JMJD1C: variants seen among roughly 807,000 people sequenced by gnomAD.
The protein encoded by JMJD1C is jumonji domain containing 1C, also known as jumonji domain-containing protein 1C.
In JMJD1C, 31 loss-of-function variants were observed where a neutral mutation model predicts 245.3. That is an observed-to-expected ratio of 0.13 (90% CI 0.09 to 0.17). The LOEUF (loss-of-function observed/expected upper bound fraction) is 0.17, where lower values mean the gene tolerates loss of function less well. JMJD1C is among the 10% of genes least tolerant of loss of function. The pLI is 1.00. For synonymous variants in JMJD1C, 1,057 were observed against 1,017.4 expected, an observed-to-expected ratio of 1.04 and a Z score of -0.74; for missense variants, 2,691 against 3,000.2, an observed-to-expected ratio of 0.90 and a Z score of 2.41.
At chr10:63,168,373 A>C (rs1015340708) in intron 25 of JMJD1C, 62 bp downstream of exon 25, 7 of 1,511,184 alleles carry the variant, frequency 4.6e-6, no homozygotes, top group Non-Finnish European at 6.2e-6. Context: ...GCTGTTATAC[A>C]TGTATCATAT....
At chr10:63,196,200 G>A (rs1007778877) in intron 13 of JMJD1C, among the ~76,000 whole-genome samples, 6 of 151,358 alleles carry the variant, frequency 4.0e-5, no homozygotes, top group African/African-American at 9.7e-5. Flanking sequence ...CCAAGATTGC[G>A]CCACTGCACT....
intron 2 of JMJD1C, among the ~76,000 whole-genome samples, chr10:63,361,172 C>T (rs1945292414): frequency 6.6e-6 from 1 of 152,108 alleles, no homozygotes; most frequent in Non-Finnish European, 1.5e-5. Flanking sequence ...TCTGTAATCC[C>T]GGCACTTTGG....
chr10:63,434,528 G>GCTAC (rs1950955938), intron 1 of JMJD1C, among the ~76,000 whole-genome samples: 3 of 152,074 alleles, frequency 2.0e-5, no homozygotes, highest in Admixed American at 2.0e-4. Flanking sequence ...AGAGGAATAA[G>GCTAC]CTACCGAGAG....
At chr10:63,448,025 C>T (rs1204842048) in intron 1 of JMJD1C, among the ~76,000 whole-genome samples, 2 of 152,066 alleles carry the variant, frequency 1.3e-5, no homozygotes, top group South Asian at 2.1e-4. Context: ...AAGGTTATTG[C>T]TTTTGTCCTA....
rs1480443114 is a variant in JMJD1C at position 63,465,589 on chromosome 10, G to C, written c.74C>G (p.Ser25Trp). The C allele has an allele frequency of 1.2e-6, 2 of 1,609,558 alleles. No individual in the cohort carries two copies. Among genetic ancestry groups the C allele is most frequent in the Admixed American group, 3.3e-5 (2 of 59,990 alleles). Residue 25 changes from serine to tryptophan, a missense_variant, in exon 1 of 26, where the codon TCG (serine) becomes TGG (tryptophan). By Grantham distance (177) the Ser-to-Trp change is radical. Coordinates refer to ENST00000399262, the MANE Select transcript of JMJD1C (RefSeq NM_032776.3). Reference sequence around the variant, plus strand: ...GCCGCGTCCGCTCTCCCAGCGCTCCGAACGTGCCTCGTCGCCGACCGCCAC... The same window carrying C: ...GCCGCGTCCGCTCTCCCAGCGCTCCCAACGTGCCTCGTCGCCGACCGCCAC... ...LCVAVGDEAR[S>W]ERWESGRGWR...
At chr10:63,301,575 C>T (rs778467966) in intron 2 of JMJD1C, among the ~76,000 whole-genome samples, 3 of 152,134 alleles carry the variant, frequency 2.0e-5, no homozygotes, top group Non-Finnish European at 4.4e-5. Flanking sequence ...AACCAAACAC[C>T]GCGTGTTTTC....
intron 2 of JMJD1C, among the ~76,000 whole-genome samples, chr10:63,354,371 T>C (rs1944624557): frequency 1.3e-5 from 2 of 152,232 alleles, no homozygotes; most frequent in African/African-American, 4.8e-5. Flanking sequence ...ATATTGCCTA[T>C]TTAATTTTTA....
chr10:63,389,311 CAA>C (rs1185397734), intron 1 of JMJD1C, among the ~76,000 whole-genome samples: 13 of 64,610 alleles, frequency 2.0e-4, no homozygotes, highest in Non-Finnish European at 1.9e-4. Flanking sequence ...GACCCTGTCT[CAA>C]AAAAAAAAAA....
chr10:63,520,518 AAAAC>A (rs1386558407), intron 1 of JMJD1C, among the ~76,000 whole-genome samples: 7 of 152,140 alleles, frequency 4.6e-5, no homozygotes, highest in Non-Finnish European at 1.0e-4. Context: ...AAAAAAAAAA[AAAAC>A]AGTTTTAAAA....
chr10:63,263,689 TG>T (rs1414444451), intron 3 of JMJD1C, among the ~76,000 whole-genome samples: 5 of 152,072 alleles, frequency 3.3e-5, no homozygotes, highest in African/African-American at 1.2e-4. Flanking sequence ...CCCAGCACTT[TG>T]GGAGGCCGAG....
intron 1 of JMJD1C, among the ~76,000 whole-genome samples, chr10:63,432,582 A>C (rs917506053): frequency 1.3e-5 from 2 of 152,238 alleles, no homozygotes; most frequent in Non-Finnish European, 2.9e-5. Flanking sequence ...ACAACAGCCC[A>C]GTCTTCAACA....
intron 1 of JMJD1C, among the ~76,000 whole-genome samples, chr10:63,386,920 A>G (rs935617715): frequency 6.6e-6 from 1 of 152,170 alleles, no homozygotes; most frequent in African/African-American, 2.4e-5. Flanking sequence ...TGAAGCCCCA[A>G]AACAGACATG....
intron 2 of JMJD1C, among the ~76,000 whole-genome samples, chr10:63,284,685 T>A (rs151135034): frequency 2.0e-5 from 3 of 152,090 alleles, no homozygotes; most frequent in Admixed American, 6.6e-5. Context: ...ATATTTAACA[T>A]TGAAATAAAT....
chr10:63,240,659 A>G (rs748607104), intron 3 of JMJD1C, among the ~76,000 whole-genome samples: 1 of 152,206 alleles, frequency 6.6e-6, no homozygotes, highest in Non-Finnish European at 1.5e-5. Flanking sequence ...ACTGGGTGTG[A>G]TAACTTTTAG....
intron 1 of JMJD1C, among the ~76,000 whole-genome samples, chr10:63,442,525 T>C (rs1564924654): frequency 6.6e-6 from 1 of 152,232 alleles, no homozygotes; most frequent in Non-Finnish European, 1.5e-5. Context: ...ATGTATTTAA[T>C]GTGCATAAAA....
In JMJD1C at chr10:63,168,552, G is replaced by T. The variant is rs1463886761; in HGVS notation, c.7416C>A (p.His2472Gln). The T allele has an allele frequency of 6.3e-7, 1 of 1,592,596 alleles. No individual in the cohort carries two copies. The highest frequency in any genetic ancestry group is 1.4e-5 in the African/African-American group (1 of 73,582). ...AGALHQVQNF[H>Q]SCIQVTEDFV... ...AATCTTCAGTTACCTGAATACAGCT[G>T]TGAAAATTCTGAACCTATCCCCAAA... The change falls in exon 25 of 26, where the codon CAC becomes CAA. Residue 2472 changes from histidine to glutamine, a missense_variant. His to Gln is a conservative substitution (Grantham distance 24). Coordinates refer to ENST00000399262, the MANE Select transcript of JMJD1C (RefSeq NM_032776.3).
chr10:63,405,604 T>A (rs1949122322), intron 1 of JMJD1C, among the ~76,000 whole-genome samples: 1 of 152,160 alleles, frequency 6.6e-6, no homozygotes, highest in Non-Finnish European at 1.5e-5. Flanking sequence ...ATTACAGGCA[T>A]GAGCCACAGC....
rs12249292 is a variant in JMJD1C at position 63,202,236 on chromosome 10, G to C, written c.5075-1559C>G. ...GCCACTGGATTCCAGCCTGGGTGAC[G>C]GAGTAAGACTCTGTCTAAAAATATA... On this transcript the variant is annotated intron_variant, in intron 10 of 25. Transcript: ENST00000399262. 22,256 of 906,504 alleles carry C rather than the reference G, an allele frequency of 0.025. 2,344 individuals carry two copies. In the African/African-American group the frequency reaches 0.28, roughly 12 times the overall value. The allele number at this position is 906,504 out of a possible 1,614,324, so 56.2% of individuals were successfully genotyped here. A position where few individuals can be genotyped will look rare whatever the true frequency, so the allele number is the denominator to read the frequency against.
chr10:63,184,077 C>G (rs1486667416), intron 21 of JMJD1C, among the ~76,000 whole-genome samples: 4 of 151,256 alleles, frequency 2.6e-5, no homozygotes, highest in Non-Finnish European at 4.4e-5. Flanking sequence ...CAGGTACACG[C>G]TACCACACCC....
Sources: gnomAD v4.1 joint callset for allele counts (sites outside exome capture counted in the v4.1 genomes callset) on GRCh38, gnomAD v4.1.1 for gene constraint, MANE v1.5 for transcripts, NCBI Gene and HGNC (gene_info 2026-07-23, HGNC 2026-07-21) for gene names.